Variants in CACNA1H observed in about 807,000 individuals in gnomAD.
CACNA1H encodes the protein calcium voltage-gated channel subunit alpha1 H, also known as voltage-dependent T-type calcium channel subunit alpha-1H.
CACNA1H carries 149 observed loss-of-function variants against 192.5 expected under a neutral mutation model. That is an observed-to-expected ratio of 0.77 (90% CI 0.68 to 0.89). CACNA1H has a LOEUF of 0.89. Among genes scored for constraint, CACNA1H ranks in the 40% least tolerant of loss-of-function variants. The pLI is 0.00. For synonymous variants in CACNA1H, 2,202 were observed against 1,475.2 expected, an observed-to-expected ratio of 1.49 and a Z score of -11.29; for missense variants, 4,257 against 3,423.5, an observed-to-expected ratio of 1.24 and a Z score of -6.08.
Position 1,212,118 on chromosome 16 carries a change from G to T in CACNA1H, c.4739G>T (p.Arg1580Leu), listed in dbSNP as rs200627008. ...ARRREEKRLR[R>L]LERRRRSTFP... ...CGGCGAGAGGAGAAGCGGCTGCGGC[G>T]CCTAGAGAGGAGGCGCAGGAGTAAG... Residue 1580 changes from arginine (R) to leucine (L), a missense_variant, in exon 25 of 35, where the codon CGC becomes CTC. Arg to Leu is a moderately radical substitution (Grantham distance 102). Coordinates refer to ENST00000348261, the MANE Select transcript of CACNA1H (RefSeq NM_021098.3). 2 of 1,608,106 alleles carry T rather than the reference G, an allele frequency of 1.2e-6. No individual in the cohort carries two copies. Among genetic ancestry groups the T allele is most frequent in the Non-Finnish European group, 8.5e-7 (1 of 1,179,440 alleles).
intron 26 of CACNA1H, among the ~76,000 whole-genome samples, 196 bp downstream of exon 26, chr16:1,212,724 G>A (rs1231401422): frequency 6.6e-6 from 1 of 152,182 alleles, no homozygotes; most frequent in African/African-American, 2.4e-5. Context: ...GTGCGGCTCT[G>A]CCCGGCTCAC....
Position 1,210,357 on chromosome 16 carries a change from CCCGCCCA to C in CACNA1H, c.3846-10_3846-4del. 2 of 1,433,672 alleles carry C rather than the reference CCCGCCCA, an allele frequency of 1.4e-6. No individual in the cohort carries two copies. Among genetic ancestry groups the C allele is most frequent in the Non-Finnish European group, 1.9e-6 (2 of 1,055,730 alleles). The allele number at this position is 1,433,672 out of a possible 1,614,324, so 88.8% of individuals were successfully genotyped here. On this transcript the variant is annotated splice_polypyrimidine_tract_variant and splice_region_variant and intron_variant, in intron 18 of 34. Coordinates refer to ENST00000348261, the MANE Select transcript of CACNA1H (RefSeq NM_021098.3). ...CGCCCCGCCCCACCTCTCACCCGCC[CCCGCCCA>C]CCCAGGTTCCGCGTCTCCTGCCAGA...
intron 2 of CACNA1H, among the ~76,000 whole-genome samples, chr16:1,194,363 G>C (rs895371057): frequency 6.6e-6 from 1 of 152,202 alleles, no homozygotes; most frequent in Non-Finnish European, 1.5e-5. Flanking sequence ...TCCACAGTCA[G>C]CTGACGGATT....
At chr16:1,188,609 T>A (rs957562909) in intron 2 of CACNA1H, among the ~76,000 whole-genome samples, 3 of 152,218 alleles carry the variant, frequency 2.0e-5, no homozygotes, top group African/African-American at 7.2e-5. Context: ...GCTCTGGGGC[T>A]GCCCACGCCC....
rs35494026 is a variant in CACNA1H, at chr16:1,196,071, C to G, written c.643+48C>G. 119 of 1,445,480 alleles carry G rather than the reference C, an allele frequency of 8.2e-5. No homozygotes were observed. The African/African-American group carries it at 1.5e-3, about 19-fold the overall frequency. 89.5% of individuals were successfully genotyped at this position (1,445,480 alleles called of 1,614,324 possible). On this transcript the variant is annotated intron_variant, in intron 5 of 34. Transcript: ENST00000348261. Reference sequence around the variant, plus strand: ...GCTTGAGATCAACAGGCTTGCGTGTCCGCCAGCCCTGCAGAGCTCTCAAAA... The same window carrying G: ...GCTTGAGATCAACAGGCTTGCGTGTGCGCCAGCCCTGCAGAGCTCTCAAAA...
chr16:1,161,037 C>G (rs1164754734), intron 2 of CACNA1H, among the ~76,000 whole-genome samples: 1 of 152,284 alleles, frequency 6.6e-6, no homozygotes, highest in Non-Finnish European at 1.5e-5. Context: ...GAAGAGGCTC[C>G]TCTGACCCCC....
At chr16:1,219,208 A>G (rs1596477930) in intron 34 of CACNA1H, 78 bp downstream of exon 34, 2 of 1,361,516 alleles carry the variant, frequency 1.5e-6, no homozygotes, top group Middle Eastern at 2.1e-4. Flanking sequence ...CATCTGAAGG[A>G]CCAGCAGACG....
Position 1,204,466 on chromosome 16 carries a change from C to G in CACNA1H, c.2451+8C>G. ...GTGGAGTACCATGAGCAGGTGCGGG[C>G]TGGCCTGGCCACGGGGTGGGCTCCC... is the stretch of plus-strand genomic sequence containing the variant. On this transcript the variant is annotated splice_region_variant and intron_variant, in intron 10 of 34. Coordinates refer to ENST00000348261, the MANE Select transcript of CACNA1H (RefSeq NM_021098.3). 1 of 1,519,212 alleles carries G rather than the reference C, an allele frequency of 6.6e-7. No individual in the cohort carries two copies. 94.1% of individuals were successfully genotyped at this position (1,519,212 alleles called of 1,614,324 possible).
intron 6 of CACNA1H, among the ~76,000 whole-genome samples, chr16:1,199,678 G>A (rs1211851640): frequency 6.8e-6 from 1 of 147,798 alleles, no homozygotes; most frequent in East Asian, 2.0e-4. Context: ...CTCACCCCGG[G>A]TTCTCCCCTC....
rs567972467 is a variant in CACNA1H at position 1,159,210 on chromosome 16, C to T, written c.299+5174C>T. Among the ~76,000 whole-genome samples the T allele has an allele frequency of 7.9e-5, 12 of 152,288 alleles. No homozygotes were observed. The East Asian group carries it at 1.9e-3, about 25-fold the overall frequency. ...CGGGTGTCCGTATCCCGGGGTAGAA[C>T]GAGGCTGGCCTGAGCCCTGTGACCG... On this transcript the variant is annotated intron_variant, in intron 2 of 34. Transcript: ENST00000348261.
In CACNA1H at chr16:1,211,229, C is replaced by G; in HGVS notation, c.4285C>G (p.Pro1429Ala). ...VVETLISSLRPIGNIVLICCA... is the reference protein window; with the variant it reads ...VVETLISSLRAIGNIVLICCA... ...GGAGACGCTGATATCATCACTCAGG[C>G]CCATTGGGAACATCGTCCTCATCTG... The change falls in exon 22 of 35, where the codon CCC (proline) becomes GCC (alanine). Residue 1429 changes from proline (P) to alanine (A), a missense_variant. By Grantham distance (27) the Pro-to-Ala change is conservative. Transcript: ENST00000348261. 1.2e-6 allele frequency: 2 copies of G among 1,613,082 alleles called. No individual in the cohort carries two copies. The highest frequency in any genetic ancestry group is 1.7e-6 in the Non-Finnish European group (2 of 1,179,752).
At chr16:1,218,796 G>A (rs1000117384) in intron 33 of CACNA1H, 145 bp downstream of exon 33, 1 of 1,128,032 alleles carries the variant, frequency 8.9e-7, no homozygotes, top group Non-Finnish European at 1.3e-6. Flanking sequence ...AGGCAGGAGG[G>A]AGGATGGAGG....
Position 1,215,634 on chromosome 16 carries a change from A to T in CACNA1H, c.5244+41A>T, listed in dbSNP as rs762620294. The T allele has an allele frequency of 2.6e-6, 4 of 1,563,798 alleles. No homozygotes were observed. The East Asian group carries it at 6.9e-5, about 27-fold the overall frequency. On this transcript the variant is annotated intron_variant, in intron 30 of 34. Transcript: ENST00000348261. ...GCCATCCTCAGCGCAGGCCCCCGGA[A>T]GACGGGGTTGCAGGGAGCGCCTCGC...
chr16:1,171,778 C>T (rs1459602745), intron 2 of CACNA1H, among the ~76,000 whole-genome samples: 1 of 152,218 alleles, frequency 6.6e-6, no homozygotes, highest in Non-Finnish European at 1.5e-5. Context: ...CTTTGCCACC[C>T]TCTCAGGCTG....
intron 2 of CACNA1H, among the ~76,000 whole-genome samples, chr16:1,187,235 C>T (rs546747069): frequency 3.3e-5 from 5 of 152,354 alleles, no homozygotes; most frequent in East Asian, 1.9e-4. Flanking sequence ...CGCGTGGGGC[C>T]GTGGGCAGAG....
chr16:1,161,460 T>C (rs547541040), intron 2 of CACNA1H, among the ~76,000 whole-genome samples: 9 of 152,318 alleles, frequency 5.9e-5, no homozygotes, highest in East Asian at 3.9e-4. Flanking sequence ...GGGGATACCT[T>C]GAGGCCTTTT....
At chr16:1,200,634 G>GCC (rs375934557) in intron 7 of CACNA1H, 63 bp downstream of exon 7, 4 of 1,580,890 alleles carry the variant, frequency 2.5e-6, no homozygotes, top group Non-Finnish European at 1.7e-6. Context: ...TGCAGGACTC[G>GCC]CCCCCCCCAG....
intron 2 of CACNA1H, among the ~76,000 whole-genome samples, chr16:1,189,397 CTTTTTTTTTT>C (rs3990780): frequency 4.4e-4 from 20 of 45,032 alleles, no homozygotes; most frequent in East Asian, 1.2e-3. Flanking sequence ...GAAGAGTGTC[CTTTTTTTTTT>C]TTTTTTTTTT....
chr16:1,162,605 G>GC (rs1474221829), intron 2 of CACNA1H, among the ~76,000 whole-genome samples: 1 of 147,776 alleles, frequency 6.8e-6, no homozygotes, highest in Non-Finnish European at 1.5e-5. Context: ...GTTAGAAGCT[G>GC]CCCCGCACGG....
Sources: gnomAD v4.1 joint callset for allele counts (sites outside exome capture counted in the v4.1 genomes callset) on GRCh38, gnomAD v4.1.1 for gene constraint, MANE v1.5 for transcripts, NCBI Gene and HGNC (gene_info 2026-07-23, HGNC 2026-07-21) for gene names.